The following ZNF532 variants were observed in gnomAD, a reference collection of about 807,000 sequenced individuals.
ZNF532 encodes the protein zinc finger protein 532.
ZNF532 carries 22 observed loss-of-function variants against 89.3 expected under a neutral mutation model. That is an observed-to-expected ratio of 0.25 (90% CI 0.18 to 0.35). The LOEUF (loss-of-function observed/expected upper bound fraction) is 0.35. ZNF532 is among the 10% of genes least tolerant of loss of function. The probability of loss-of-function intolerance (pLI) is 1.00; values close to 1 mark genes in which losing one functional copy is unlikely to be tolerated. For synonymous variants in ZNF532, 606 were observed against 649.6 expected (o/e 0.93, Z 1.02); for missense variants, 1,132 against 1,643.4 (o/e 0.69, Z 5.38).
At chr18:58,949,863 C>T (rs1365919322) in intron 6 of ZNF532, among the ~76,000 whole-genome samples, 3 of 152,120 alleles carry the variant, frequency 2.0e-5, no homozygotes, top group Non-Finnish European at 2.9e-5. Context: ...TCTCTCCTTC[C>T]AGGCAAGGTA....
In ZNF532 at chr18:58,984,103, C is replaced by T; in HGVS notation, c.3543C>T (p.Phe1181=). ...TTCACAAGTGTGCCGTGTGTGGCTTCACCACCGAAAACCTGCTGCAATTCC... is the reference window on the plus strand; with the variant it reads ...TTCACAAGTGTGCCGTGTGTGGCTTTACCACCGAAAACCTGCTGCAATTCC... ...FKVHKCAVCG[F]TTENLLQFHE... The change falls in exon 10 of 10, where the codon TTC becomes TTT. Residue 1181 remains phenylalanine (F), a synonymous_variant. Coordinates refer to ENST00000591808, the MANE Select transcript of ZNF532 (RefSeq NM_001375912.1). The T allele has an allele frequency of 1.9e-6, 3 of 1,611,904 alleles. No individual in the cohort carries two copies. In the South Asian group the frequency reaches 3.3e-5, roughly 18 times the overall value.
Position 58,985,887 on chromosome 18 carries a change from T to C in ZNF532, c.*1421T>C, listed in dbSNP as rs1448699834. 1 of 151,922 alleles carries C rather than the reference T, an allele frequency of 6.6e-6. No homozygotes were observed. Among genetic ancestry groups the C allele is most frequent in the Non-Finnish European group, 1.5e-5 (1 of 67,934 alleles). 9.4% of individuals were successfully genotyped at this position (151,922 alleles called of 1,614,324 possible). A position where few individuals can be genotyped will look rare whatever the true frequency, so the allele number is the denominator to read the frequency against. ...CTTGCTGCTGTCAGGTGTTATGCAC[T>C]CCATCCATCATAACTGTATGAAACA... On this transcript the variant is annotated 3_prime_UTR_variant, in exon 10 of 10. Transcript: ENST00000591808.
rs539874091 is a variant in ZNF532 at position 58,888,123 on chromosome 18, C to T, written c.-18+22544C>T. On this transcript the variant is annotated intron_variant, in intron 2 of 9. Transcript: ENST00000591808. ...TTGATATATTTTAAAGGAATTTACT[C>T]AGTTGAATAATAAACCACAATCATC... is the stretch of plus-strand genomic sequence containing the variant. Among the ~76,000 whole-genome samples, 11 of 152,174 alleles carry T rather than the reference C, an allele frequency of 7.2e-5. 1 individual carries two copies. The South Asian group carries it at 2.3e-3, about 32-fold the overall frequency.
chr18:58,892,659 T>C (rs1399563504), intron 2 of ZNF532, among the ~76,000 whole-genome samples: 4 of 152,240 alleles, frequency 2.6e-5, no homozygotes, highest in African/African-American at 9.6e-5. Context: ...AATAAAGCGC[T>C]TCACAACGAT....
chr18:58,938,318 G>A (rs1417978011), intron 4 of ZNF532, among the ~76,000 whole-genome samples: 1 of 152,226 alleles, frequency 6.6e-6, no homozygotes, highest in Non-Finnish European at 1.5e-5. Flanking sequence ...GAACAAGGAA[G>A]ACTTGGTCAT....
upstream of ZNF532, chr18:58,864,551 A>AG (rs1403226161): frequency 2.5e-5 from 2 of 79,730 alleles, no homozygotes; most frequent in Non-Finnish European, 2.4e-5. Context: ...AAGGAGAAGG[A>AG]GGGGGAAACA....
chr18:58,968,935 G>A (rs895296880), intron 7 of ZNF532, among the ~76,000 whole-genome samples: 2 of 152,144 alleles, frequency 1.3e-5, no homozygotes, highest in Non-Finnish European at 2.9e-5. Flanking sequence ...TCTGTAAATT[G>A]ACATTACCTT....
chr18:58,976,219 C>A (rs1233255915), intron 7 of ZNF532, among the ~76,000 whole-genome samples: 3 of 152,164 alleles, frequency 2.0e-5, no homozygotes, highest in African/African-American at 7.2e-5. Flanking sequence ...TTGCAGAGTT[C>A]ATTTCTGCAT....
chr18:58,873,583 G>A (rs1203632522), intron 2 of ZNF532, among the ~76,000 whole-genome samples: 1 of 152,052 alleles, frequency 6.6e-6, no homozygotes, highest in South Asian at 2.1e-4. Context: ...CAAATAGCTG[G>A]TATTAAAGGC....
chr18:58,879,497 T>A (rs2057713633), intron 2 of ZNF532, among the ~76,000 whole-genome samples: 1 of 152,154 alleles, frequency 6.6e-6, no homozygotes, highest in Non-Finnish European at 1.5e-5. Context: ...TCCCGGATTC[T>A]CTTGCCTCAG....
intron 2 of ZNF532, among the ~76,000 whole-genome samples, chr18:58,890,369 CTCT>C (rs548478403): frequency 6.6e-6 from 1 of 151,630 alleles, no homozygotes; most frequent in African/African-American, 2.4e-5. Context: ...TAAATATTTG[CTCT>C]TCTTCTACCC....
chr18:58,942,349 C>CCTCCCTCCCTT (rs1568383305), intron 5 of ZNF532, among the ~76,000 whole-genome samples: 2 of 43,172 alleles, frequency 4.6e-5, no homozygotes, highest in Admixed American at 2.5e-4. Flanking sequence ...CTCCCTCCCT[C>CCTCCCTCCCTT]CCTTCCTTCC....
At chr18:58,890,788 A>C (rs1602702988) in intron 2 of ZNF532, among the ~76,000 whole-genome samples, 1 of 143,054 alleles carries the variant, frequency 7.0e-6, no homozygotes, top group African/African-American at 2.6e-5. Context: ...TCTTCCTCAG[A>C]CCTCTTTACC....
intron 4 of ZNF532, among the ~76,000 whole-genome samples, chr18:58,935,838 G>C (rs1288403673): frequency 2.7e-5 from 4 of 149,644 alleles, no homozygotes; most frequent in Non-Finnish European, 6.0e-5. Context: ...TTGTTAATAT[G>C]CAGTGATTTT....
At chr18:58,970,170 C>T (rs1180023532) in intron 7 of ZNF532, among the ~76,000 whole-genome samples, 3 of 152,138 alleles carry the variant, frequency 2.0e-5, no homozygotes, top group South Asian at 2.1e-4. Flanking sequence ...AGGCGTGAGC[C>T]GCTGTGCCCA....
chr18:58,905,077 A>G (rs541584501), intron 2 of ZNF532, among the ~76,000 whole-genome samples: 1 of 152,144 alleles, frequency 6.6e-6, no homozygotes, highest in South Asian at 2.1e-4. Flanking sequence ...CCTGGCCTCA[A>G]GTGGTCTACC....
chr18:58,939,246 C>CAAAA (rs71336307), intron 4 of ZNF532, among the ~76,000 whole-genome samples, 199 bp from the exon 5 acceptor site: 356 of 34,494 alleles, frequency 0.01, 34 homozygotes, highest in Non-Finnish European at 0.014. Flanking sequence ...GACGTTGTCT[C>CAAAA]AAAAAAAAAA....
chr18:58,953,750 T>A lies in ZNF532; in HGVS notation c.3101T>A (p.Phe1034Tyr), dbSNP rs1240766444. 5.6e-6 allele frequency: 9 copies of A among 1,614,034 alleles called. No homozygotes were observed. The African/African-American group carries it at 1.2e-4, about 22-fold the overall frequency. ...GWTCWECDCL[F>Y]MQRDVYISHV... ...ACGTGTTGGGAGTGTGACTGCCTGT[T>A]CATGCAGAGAGATGTGTACATATCC... Residue 1034 changes from phenylalanine (F) to tyrosine (Y), a missense_variant, in exon 7 of 10, where the codon TTC becomes TAC. Physicochemically the swap from Phe to Tyr is conservative, Grantham distance 22 (BLOSUM62 3). Around this residue, in one of 9 missense-constraint regions of ZNF532, gnomAD observed 415 missense variants for 604.8 expected, o/e 0.69. Coordinates refer to ENST00000591808, the MANE Select transcript of ZNF532 (RefSeq NM_001375912.1).
chr18:58,923,125 A>G (rs952466089), intron 3 of ZNF532, among the ~76,000 whole-genome samples: 7 of 152,050 alleles, frequency 4.6e-5, no homozygotes, highest in African/African-American at 7.2e-5. Context: ...CCAGATACAC[A>G]CAAGCAAAAC....
Sources: gnomAD v4.1 joint callset for allele counts (sites outside exome capture counted in the v4.1 genomes callset) on GRCh38, gnomAD v4.1.1 for gene constraint, gnomAD v4.1.1 regional missense constraint, MANE v1.5 for transcripts, NCBI Gene and HGNC (gene_info 2026-07-23, HGNC 2026-07-21) for gene names.